The following MBTPS1 variants were observed in gnomAD, a reference collection of about 807,000 sequenced individuals.
MBTPS1 encodes the protein membrane bound transcription factor peptidase, site 1, also known as membrane-bound transcription factor site-1 protease.
A neutral mutation model predicts 127.8 loss-of-function variants in MBTPS1; 94 were observed. The ratio of observed to expected loss-of-function variants is 0.74; its 90% CI spans 0.62 to 0.87. MBTPS1 has a LOEUF of 0.87. MBTPS1 is among the 40% of genes least tolerant of loss of function. MBTPS1 has a pLI of 0.00. For missense variants in MBTPS1, 1,636 were observed against 1,353.2 expected, an observed-to-expected ratio of 1.21 and a Z score of -3.28; for synonymous variants, 632 against 509.4, an observed-to-expected ratio of 1.24 and a Z score of -3.24.
chr16:84,101,887 T>C lies in MBTPS1; in HGVS notation c.-104A>G, dbSNP rs535435348. ...TTTCAGCTAAAAGCTGCAACATTAC[T>C]AATCAGCCATCTTACAGTCTTGCCC... On this transcript the variant is annotated 5_prime_UTR_variant, in exon 2 of 23. An upstream open reading frame in the 5' UTR loses its in-frame stop. Transcript: ENST00000343411. The C allele has an allele frequency of 1.7e-5, 19 of 1,096,102 alleles. No individual in the cohort carries two copies. In the East Asian group the frequency reaches 4.3e-4, roughly 25 times the overall value. 67.9% of individuals were successfully genotyped at this position (1,096,102 alleles called of 1,614,324 possible).
chr16:84,098,350 C>T (rs777621378), intron 3 of MBTPS1, among the ~76,000 whole-genome samples: 2 of 152,224 alleles, frequency 1.3e-5, no homozygotes, highest in Non-Finnish European at 2.9e-5. Flanking sequence ...GTGACTCACG[C>T]CTGTAATCCC....
chr16:84,108,767 A>C (rs1333747773), intron 1 of MBTPS1, among the ~76,000 whole-genome samples: 1 of 152,230 alleles, frequency 6.6e-6, no homozygotes, highest in Non-Finnish European at 1.5e-5. Flanking sequence ...CAAGTGAAGA[A>C]GGCACCAGGC....
chr16:84,054,563 G>A lies in MBTPS1; in HGVS notation c.3045C>T (p.Ala1015=). ...CCTTGTTGATTTGTACCACAAAGAAGGCCAGGACCACCATGGCTCCCAGGA... is the reference window on the plus strand; with the variant it reads ...CCTTGTTGATTTGTACCACAAAGAAAGCCAGGACCACCATGGCTCCCAGGA... ...FAFLGAMVVL[A]FFVVQINKAK... Residue 1015 remains alanine (A), a synonymous_variant, in exon 23 of 23, where the codon GCC becomes GCT. Coordinates refer to ENST00000343411, the MANE Select transcript of MBTPS1 (RefSeq NM_003791.4). The A allele has an allele frequency of 6.2e-7, 1 of 1,613,928 alleles. No homozygotes were observed. Among genetic ancestry groups the A allele is most frequent in the Non-Finnish European group, 8.5e-7 (1 of 1,179,878 alleles).
At chr16:84,090,139 C>G (rs2086083488) in intron 8 of MBTPS1, among the ~76,000 whole-genome samples, 1 of 151,998 alleles carries the variant, frequency 6.6e-6, no homozygotes, top group African/African-American at 2.4e-5. Flanking sequence ...GTCTTATGCC[C>G]TGGATTTGTG....
In MBTPS1 at chr16:84,065,741, C is replaced by T. The variant is rs749508986; in HGVS notation, c.2380G>A (p.Ala794Thr). Residue 794 changes from alanine (A) to threonine (T), a missense_variant, in exon 18 of 23, where the codon GCG becomes ACG. By Grantham distance (58) the Ala-to-Thr change is moderately conservative (BLOSUM62 0). Transcript: ENST00000343411. ...DMYYASGCSIAKFPEDGVVIT... is the reference protein window; with the variant it reads ...DMYYASGCSITKFPEDGVVIT... ...ACGACGCCATCTTCTGGAAACTTCGCGATGCTGCACCCTGACGCATAATAC... is the reference window on the plus strand; with the variant it reads ...ACGACGCCATCTTCTGGAAACTTCGTGATGCTGCACCCTGACGCATAATAC... 4.3e-6 allele frequency: 7 copies of T among 1,609,410 alleles called. No homozygotes were observed. Among genetic ancestry groups the T allele is most frequent in the African/African-American group, 4.0e-5 (3 of 74,666 alleles).
chr16:84,097,809 G>A (rs2086196642), intron 3 of MBTPS1, among the ~76,000 whole-genome samples: 1 of 149,636 alleles, frequency 6.7e-6, no homozygotes, highest in Non-Finnish European at 1.5e-5. Context: ...TTTACACCTG[G>A]TTTTACTATG....
chr16:84,112,679 A>C (rs1014213443), intron 1 of MBTPS1, among the ~76,000 whole-genome samples: 1 of 149,738 alleles, frequency 6.7e-6, no homozygotes, highest in Non-Finnish European at 1.5e-5. Context: ...ACAAAAAAAA[A>C]CAAAAAAAGA....
intron 2 of MBTPS1, among the ~76,000 whole-genome samples, chr16:84,100,049 T>G (rs2086232627): frequency 6.6e-6 from 1 of 152,188 alleles, no homozygotes; most frequent in Non-Finnish European, 1.5e-5. Context: ...CACTCAAACT[T>G]TAGAACATAA....
At chr16:84,116,054 A>C (rs1209569840) in intron 1 of MBTPS1, among the ~76,000 whole-genome samples, 1 of 152,214 alleles carries the variant, frequency 6.6e-6, no homozygotes, top group Non-Finnish European at 1.5e-5. Context: ...GTTCAGACTA[A>C]AGGATGAGTC....
Position 84,060,761 on chromosome 16 carries a change from T to C in MBTPS1, c.2625A>G (p.Thr875=). The part of the protein sequence containing the change: ...ALLQYTSYGV[T]PPSLSHSGNR... ...TCCCAGAGTGACTGAGGCTAGGCGG[T>C]GTCACCCCATACGATGTGTACTGGA... Residue 875 remains threonine, a synonymous_variant, in exon 20 of 23, where the codon ACA becomes ACG. Transcript: ENST00000343411. 1 of 1,608,914 alleles carries C rather than the reference T, an allele frequency of 6.2e-7. No homozygotes were observed. Among genetic ancestry groups the C allele is most frequent in the Non-Finnish European group, 8.5e-7 (1 of 1,177,678 alleles).
chr16:84,087,180 G>C (rs565894695), intron 9 of MBTPS1, among the ~76,000 whole-genome samples, 178 bp downstream of exon 9: 9 of 152,158 alleles, frequency 5.9e-5, no homozygotes, highest in Non-Finnish European at 1.2e-4. Flanking sequence ...AGATGCTGAC[G>C]GGGCCCAGAT....
At chr16:84,083,516 A>C (rs1306241883) in intron 10 of MBTPS1, among the ~76,000 whole-genome samples, 1 of 151,690 alleles carries the variant, frequency 6.6e-6, no homozygotes, top group Non-Finnish European at 1.5e-5. Flanking sequence ...CTCTCAAACT[A>C]CTAGCCTCAA....
At chr16:84,100,945 G>A (rs1245418020) in intron 2 of MBTPS1, among the ~76,000 whole-genome samples, 1 of 147,848 alleles carries the variant, frequency 6.8e-6, no homozygotes, top group East Asian at 2.0e-4. Flanking sequence ...CTTGAGGTCA[G>A]GAGTTCAAGA....
intron 7 of MBTPS1, 31 bp from the exon 8 acceptor site, chr16:84,090,973 A>T: frequency 7.5e-7 from 1 of 1,334,986 alleles, no homozygotes; most frequent in Non-Finnish European, 1.1e-6. Flanking sequence ...TAATGAAAGT[A>T]TCCCTTTCAT....
chr16:84,112,957 A>T (rs930829397), intron 1 of MBTPS1, among the ~76,000 whole-genome samples: 1 of 147,700 alleles, frequency 6.8e-6, no homozygotes, highest in Non-Finnish European at 1.5e-5. Flanking sequence ...CCTGGGAGAC[A>T]GAGCGAGATG....
chr16:84,081,951 G>T (rs763840535), intron 10 of MBTPS1, 43 bp from the exon 11 acceptor site: 9 of 1,342,744 alleles, frequency 6.7e-6, no homozygotes, highest in Non-Finnish European at 7.7e-6. Context: ...CTCAGTAAAA[G>T]AATGGAAATT....
chr16:84,093,870 T>C (rs947314450), intron 4 of MBTPS1, 49 bp from the exon 5 acceptor site: 8 of 1,349,236 alleles, frequency 5.9e-6, no homozygotes, highest in Non-Finnish European at 8.5e-6. Flanking sequence ...GAAATCATCA[T>C]TTTGGATTTT....
At chr16:84,095,467 G>A in intron 4 of MBTPS1, 135 bp downstream of exon 4, 1 of 860,728 alleles carries the variant, frequency 1.2e-6, no homozygotes, top group Non-Finnish European at 1.8e-6. Context: ...GGTTAGATGT[G>A]GAAGGCTGCA....
At chr16:84,087,826 G>A (rs779778227) in intron 8 of MBTPS1, among the ~76,000 whole-genome samples, 6 of 152,090 alleles carry the variant, frequency 3.9e-5, no homozygotes, top group African/African-American at 9.7e-5. Context: ...ATCACCTAAC[G>A]ACACATTCTC....
Sources: gnomAD v4.1 joint callset for allele counts (sites outside exome capture counted in the v4.1 genomes callset) on GRCh38, gnomAD v4.1.1 for gene constraint, MANE v1.5 for transcripts, NCBI Gene and HGNC (gene_info 2026-07-23, HGNC 2026-07-21) for gene names.